Variants in DMPK observed in about 807,000 individuals in gnomAD.
DMPK encodes the protein myotonin-protein kinase.
A neutral mutation model predicts 70.3 loss-of-function variants in DMPK; 32 were observed. The ratio of observed to expected loss-of-function variants is 0.46; its 90% CI spans 0.34 to 0.61. The LOEUF (loss-of-function observed/expected upper bound fraction) is 0.61, where lower values mean the gene tolerates loss of function less well. Ranked by LOEUF, DMPK falls within the 20% of genes least tolerant of loss-of-function variation. DMPK has a pLI of 0.01. For synonymous variants in DMPK, 469 were observed against 390.9 expected (o/e 1.20, Z -2.36); for missense variants, 899 against 886.0 (o/e 1.01, Z -0.19).
Position 45,771,624 on chromosome 19 carries a change from GC to G in DMPK, c.1543del (p.Ala515HisfsTer36). 6.2e-7 allele frequency: 1 copy of G among 1,614,066 alleles called. No homozygotes were observed. Among genetic ancestry groups the G allele is most frequent in the Non-Finnish European group, 8.5e-7 (1 of 1,179,958 alleles). On this transcript the variant is annotated frameshift_variant, in exon 12 of 15. Transcript: ENST00000291270. LOFTEE classifies it high-confidence loss of function. ...EAEARNRDLE[A>X]HVRQLQERME... Reference sequence around the variant, plus strand: ...CCGCTCCTGCAACTGCCGGACGTGTGCCTCTAGGTCCCGGTTCCGAGCCTCT... The same window carrying G: ...CCGCTCCTGCAACTGCCGGACGTGTGCTCTAGGTCCCGGTTCCGAGCCTCT...
chr19:45,773,017 A>C (rs1216788602), intron 9 of DMPK, among the ~76,000 whole-genome samples: 1 of 152,132 alleles, frequency 6.6e-6, no homozygotes, highest in Non-Finnish European at 1.5e-5. Context: ...CCAGACCCCC[A>C]TGTTCTAGGG....
rs188598689 is a variant in DMPK, at chr19:45,771,293, G to A, written c.1647+57C>T. 828 of 1,548,508 alleles carry A rather than the reference G, an allele frequency of 5.3e-4. 11 individuals carry two copies. In the East Asian group the frequency reaches 0.012, roughly 22 times the overall value. On this transcript the variant is annotated intron_variant, in intron 13 of 14. Coordinates refer to ENST00000291270, the MANE Select transcript of DMPK (RefSeq NM_004409.5). Reference sequence around the variant, plus strand: ...CTGGACGGGGAGACCAGGAGCCAGGGAGGGGATCTGCAGAATGGGCAGCAG... The same window carrying A: ...CTGGACGGGGAGACCAGGAGCCAGGAAGGGGATCTGCAGAATGGGCAGCAG...
chr19:45,774,327 ATC>A (rs1969655343), intron 9 of DMPK, among the ~76,000 whole-genome samples: 2 of 143,592 alleles, frequency 1.4e-5, no homozygotes, highest in Non-Finnish European at 3.0e-5. Flanking sequence ...CAGTGGCATG[ATC>A]TCGGCTCACT....
chr19:45,775,326 C>A (rs573640511), intron 8 of DMPK: 1 of 287,782 alleles, frequency 3.5e-6, no homozygotes, highest in East Asian at 9.6e-5. Context: ...CTCTACCACG[C>A]CTGGCTAATT....
chr19:45,778,114 G>A lies in DMPK; in HGVS notation c.675+13C>T. The A allele has an allele frequency of 1.2e-6, 2 of 1,602,492 alleles. No individual in the cohort carries two copies. Among genetic ancestry groups the A allele is most frequent in the Non-Finnish European group, 8.5e-7 (1 of 1,173,260 alleles). On this transcript the variant is annotated intron_variant, in intron 6 of 14. Transcript: ENST00000291270. Reference sequence around the variant, plus strand: ...GCAGCCCCAGTTGCTCTGTGGCCAGGGCACTGGCTCACCGTTCCATCTGCC... The same window carrying A: ...GCAGCCCCAGTTGCTCTGTGGCCAGAGCACTGGCTCACCGTTCCATCTGCC...
At position 45,771,288 on chromosome 19, in the gene DMPK, C is replaced by T. The variant is rs764399605; in HGVS notation, c.1647+62G>A. On this transcript the variant is annotated intron_variant, in intron 13 of 14. Coordinates refer to ENST00000291270, the MANE Select transcript of DMPK (RefSeq NM_004409.5). ...TATATCTGGACGGGGAGACCAGGAG[C>T]CAGGGAGGGGATCTGCAGAATGGGC... is the stretch of plus-strand genomic sequence containing the variant. 11 of 1,542,796 alleles carry T rather than the reference C, an allele frequency of 7.1e-6. No homozygotes were observed. In the South Asian group the frequency reaches 1.4e-4, roughly 19 times the overall value.
rs193129899 is a variant in DMPK, at chr19:45,771,481, C to T, written c.1601-85G>A. On this transcript the variant is annotated intron_variant, in intron 12 of 14. Coordinates refer to ENST00000291270, the MANE Select transcript of DMPK (RefSeq NM_004409.5). ...GCGTGCCCCAGCGTGGGTCCCTTCC[C>T]TCCTCCAGGTGTCTATACACGCCCC... The T allele has an allele frequency of 2.5e-3, 4,080 of 1,610,078 alleles. 9 individuals are homozygous for T. Among genetic ancestry groups the T allele is most frequent in the Non-Finnish European group, 3.1e-3 (3,595 of 1,177,816 alleles).
intron 9 of DMPK, among the ~76,000 whole-genome samples, chr19:45,773,036 TCTC>T (rs1302473941): frequency 6.6e-6 from 1 of 152,162 alleles, no homozygotes; most frequent in African/African-American, 2.4e-5. Flanking sequence ...GGTCAGCTCA[TCTC>T]CTCCCTTGAC....
intron 4 of DMPK, 73 bp downstream of exon 4, chr19:45,779,191 T>G: frequency 6.7e-7 from 1 of 1,490,692 alleles, no homozygotes. Context: ...TAGAGCTTCC[T>G]CTCCCCACCT....
chr19:45,772,673 G>T lies in DMPK; in HGVS notation c.1312C>A (p.Leu438Met). The T allele has an allele frequency of 6.5e-7, 1 of 1,535,162 alleles. No homozygotes were observed. The highest frequency in any genetic ancestry group is 8.7e-7 in the Non-Finnish European group (1 of 1,151,238). ...LLEPHVQAPS[L>M]EPSVSPQDET... ...TCCTGTGGGGACACCGAGGGCTCCAGGCTGGGCGCTTGCACGTGTGGCTCA... is the reference window on the plus strand; with the variant it reads ...TCCTGTGGGGACACCGAGGGCTCCATGCTGGGCGCTTGCACGTGTGGCTCA... Residue 438 changes from leucine to methionine, a missense_variant, in exon 10 of 15, where the codon CTG becomes ATG. This residue lies in a region of DMPK where 555 missense variants were observed against 483.8 expected (regional missense o/e 1.15). Coordinates refer to ENST00000291270, the MANE Select transcript of DMPK (RefSeq NM_004409.5).
At chr19:45,770,739 G>T in intron 14 of DMPK, 99 bp from the exon 15 acceptor site, 1 of 1,361,650 alleles carries the variant, frequency 7.3e-7, no homozygotes, top group Non-Finnish European at 1.0e-6. Context: ...ACTCTTCCCT[G>T]CGCCCCGCCC....
intron 9 of DMPK, among the ~76,000 whole-genome samples, chr19:45,773,176 GC>G (rs1969572043): frequency 6.6e-6 from 1 of 152,186 alleles, no homozygotes; most frequent in South Asian, 2.1e-4. Context: ...CCCCAAGATG[GC>G]AACTTGAGGT....
rs150437533 is a variant in DMPK, at chr19:45,780,599, G to A, written c.161-730C>T. On this transcript the variant is annotated intron_variant, in intron 1 of 14. Coordinates refer to ENST00000291270, the MANE Select transcript of DMPK (RefSeq NM_004409.5). The stretch of plus-strand genomic sequence containing the variant: ...GGGGGACCAGCTGGGGTGGAGGCTT[G>A]TGGCTCAGGGACTGTGGGGACAGGG... 1.5e-3 allele frequency: 1,505 copies of A among 1,024,510 alleles called. 18 individuals are homozygous for A. The African/African-American group carries it at 0.024, about 16-fold the overall frequency. The allele number at this position is 1,024,510 out of a possible 1,614,324, so 63.5% of individuals were successfully genotyped here.
At position 45,782,418 on chromosome 19, in the gene DMPK, T is replaced by C. The variant is rs78043518; in HGVS notation, c.-66A>G. On this transcript the variant is annotated 5_prime_UTR_variant, in exon 1 of 15. Coordinates refer to ENST00000291270, the MANE Select transcript of DMPK (RefSeq NM_004409.5). ...CTCGGGGTCCTCCTGTCACAGGGCC[T>C]GGCAGCCCCTGTCCAGGCCCTGGAG... 2.7e-6 allele frequency: 4 copies of C among 1,455,390 alleles called. No homozygotes were observed. The highest frequency in any genetic ancestry group is 3.6e-6 in the Non-Finnish European group (4 of 1,104,254). The allele number at this position is 1,455,390 out of a possible 1,614,324, so 90.2% of individuals were successfully genotyped here.
Position 45,770,084 on chromosome 19 carries a change from TG to T in DMPK, c.*403del. On this transcript the variant is annotated 3_prime_UTR_variant, in exon 15 of 15. Transcript: ENST00000291270. Reference sequence around the variant, plus strand: ...TTGCACTTTGCGAACCAACGATAGGTGGGGGTGCGTGGAGGATGGAACACGG... The same window carrying T: ...TTGCACTTTGCGAACCAACGATAGGTGGGGTGCGTGGAGGATGGAACACGG... The T allele has an allele frequency of 1.9e-6, 1 of 527,700 alleles. No homozygotes were observed. The highest frequency in any genetic ancestry group is 3.5e-6 in the Non-Finnish European group (1 of 285,948). The allele number at this position is 527,700 out of a possible 1,614,324, so 32.7% of individuals were successfully genotyped here. A position where few individuals can be genotyped will look rare whatever the true frequency, so the allele number is the denominator to read the frequency against.
At chr19:45,781,903 G>A (rs1244814175) in intron 1 of DMPK, among the ~76,000 whole-genome samples, 1 of 152,294 alleles carries the variant, frequency 6.6e-6, no homozygotes, top group East Asian at 1.9e-4. Flanking sequence ...GGGGTGCAGA[G>A]AGGCCATGGG....
At chr19:45,782,077 A>C in intron 1 of DMPK, 116 bp downstream of exon 1, 5 of 952,034 alleles carry the variant, frequency 5.3e-6, no homozygotes, top group African/African-American at 1.7e-5. Context: ...GGATGGGAGG[A>C]TCTCCCCATG....
At chr19:45,781,304 C>G in intron 1 of DMPK, among the ~76,000 whole-genome samples, 1 of 152,160 alleles carries the variant, frequency 6.6e-6, no homozygotes, top group Non-Finnish European at 1.5e-5. Flanking sequence ...CCAGTGAGCC[C>G]GAGTCCTGGG....
At chr19:45,780,778 C>G (rs752197228) in intron 1 of DMPK, 17 of 206,506 alleles carry the variant, frequency 8.2e-5, no homozygotes, top group Non-Finnish European at 1.4e-4. Flanking sequence ...ACGAACCAGC[C>G]AGGGCTGAGG....
Sources: allele counts gnomAD v4.1 joint callset (sites outside exome capture counted in the v4.1 genomes callset), GRCh38; gene constraint gnomAD v4.1.1; regional missense constraint gnomAD v4.1.1; transcripts MANE v1.5; gene names NCBI Gene and HGNC (gene_info 2026-07-23, HGNC 2026-07-21).